Variants in GTF2B observed in about 807,000 individuals in gnomAD.
GTF2B encodes the protein transcription initiation factor IIB.
A neutral mutation model predicts 34.6 loss-of-function variants in GTF2B; 20 were observed. The observed-to-expected ratio is 0.58, with a 90% CI of 0.41 to 0.84. The LOEUF (loss-of-function observed/expected upper bound fraction) is 0.84. Among genes scored for constraint, GTF2B ranks in the 40% least tolerant of loss-of-function variants. The pLI is 0.00. For missense variants in GTF2B, 237 were observed against 393.3 expected (o/e 0.60, Z 3.36); for synonymous variants, 142 against 132.4 (o/e 1.07, Z -0.50).
intron 3 of GTF2B, among the ~76,000 whole-genome samples, chr1:88,863,184 T>A (rs918302466): frequency 6.6e-6 from 1 of 152,200 alleles, no homozygotes; most frequent in Admixed American, 6.5e-5. Context: ...ATACTTTACA[T>A]ACATTCTCAT....
intron 2 of GTF2B, among the ~76,000 whole-genome samples, chr1:88,886,464 T>G (rs1674070501): frequency 6.6e-6 from 1 of 152,230 alleles, no homozygotes; most frequent in African/African-American, 2.4e-5. Context: ...GTGTTATTTT[T>G]GGCAATAATT....
At chr1:88,874,706 CT>C (rs1303860418) in intron 2 of GTF2B, among the ~76,000 whole-genome samples, 21 of 151,908 alleles carry the variant, frequency 1.4e-4, no homozygotes. Context: ...TTTCTGCTGT[CT>C]TCCTGGAAAC....
At chr1:88,888,751 T>C (rs751634775) in intron 1 of GTF2B, among the ~76,000 whole-genome samples, 4 of 152,152 alleles carry the variant, frequency 2.6e-5, no homozygotes, top group Non-Finnish European at 5.9e-5. Context: ...GAACTAACCA[T>C]ACACCATAAC....
intron 2 of GTF2B, among the ~76,000 whole-genome samples, chr1:88,867,296 T>C (rs946123245): frequency 3.9e-5 from 6 of 152,230 alleles, no homozygotes; most frequent in Non-Finnish European, 7.3e-5. Flanking sequence ...TCCTAAAATT[T>C]AGATACTGTG....
intron 3 of GTF2B, among the ~76,000 whole-genome samples, chr1:88,861,063 T>C (rs1673429559): frequency 6.6e-6 from 1 of 152,190 alleles, no homozygotes; most frequent in African/African-American, 2.4e-5. Flanking sequence ...CTATAAATAA[T>C]TCATTAAAGC....
At position 88,891,472 on chromosome 1, in the gene GTF2B, G is replaced by A. The variant is rs775416271; in HGVS notation, c.17+11C>T. ...CCCCTCAGCTCGCCGGGCTCGGCGG[G>A]ACATACTAACCGGCTGGTAGACGCC... is the stretch of plus-strand genomic sequence containing the variant. On this transcript the variant is annotated intron_variant, in intron 1 of 6. Transcript: ENST00000370500. 1 of 1,601,480 alleles carries A rather than the reference G, an allele frequency of 6.2e-7. No homozygotes were observed. Among genetic ancestry groups the A allele is most frequent in the African/African-American group, 1.3e-5 (1 of 74,608 alleles).
intron 2 of GTF2B, among the ~76,000 whole-genome samples, chr1:88,877,760 T>C (rs913469935): frequency 1.3e-5 from 2 of 152,120 alleles, no homozygotes; most frequent in African/African-American, 4.8e-5. Flanking sequence ...GGCGAAACCC[T>C]ATCTCTACTA....
rs954681958 is a variant in GTF2B at position 88,891,351 on chromosome 1, G to T, written c.17+132C>A. 6 of 640,914 alleles carry T rather than the reference G, an allele frequency of 9.4e-6. No homozygotes were observed. In the African/African-American group the frequency reaches 1.1e-4, roughly 12 times the overall value. The allele number at this position is 640,914 out of a possible 1,614,324, so 39.7% of individuals were successfully genotyped here. On this transcript the variant is annotated intron_variant, in intron 1 of 6. Coordinates refer to ENST00000370500, the MANE Select transcript of GTF2B (RefSeq NM_001514.6). ...TCTGGAAGTGCCTTTGTCCCGGCCC[G>T]TCGGCCAGTCCCGCCGCTTCTCTCC...
chr1:88,872,017 G>C (rs1367239544), intron 2 of GTF2B, among the ~76,000 whole-genome samples: 1 of 152,106 alleles, frequency 6.6e-6, no homozygotes, highest in Admixed American at 6.6e-5. Flanking sequence ...ACAGGCATGA[G>C]CAATTGCGTC....
intron 2 of GTF2B, among the ~76,000 whole-genome samples, 172 bp from the exon 3 acceptor site, chr1:88,864,286 T>C (rs771931705): frequency 5.9e-5 from 9 of 152,236 alleles, no homozygotes; most frequent in Non-Finnish European, 1.0e-4. Context: ...CCTTTAACTA[T>C]TGTGCCAATC....
Position 88,891,468 on chromosome 1 carries a change from G to A in GTF2B, c.17+15C>T. The A allele has an allele frequency of 6.2e-7, 1 of 1,600,572 alleles. No homozygotes were observed. Among genetic ancestry groups the A allele is most frequent in the Non-Finnish European group, 8.5e-7 (1 of 1,172,494 alleles). On this transcript the variant is annotated intron_variant, in intron 1 of 6. Coordinates refer to ENST00000370500, the MANE Select transcript of GTF2B (RefSeq NM_001514.6). ...CCCGCCCCTCAGCTCGCCGGGCTCGGCGGGACATACTAACCGGCTGGTAGA... is the reference window on the plus strand; with the variant it reads ...CCCGCCCCTCAGCTCGCCGGGCTCGACGGGACATACTAACCGGCTGGTAGA...
intron 2 of GTF2B, among the ~76,000 whole-genome samples, chr1:88,871,482 C>T (rs1396612546): frequency 1.3e-5 from 2 of 152,170 alleles, no homozygotes; most frequent in East Asian, 1.9e-4. Context: ...GGAAGTTATA[C>T]ACAGACTTAA....
chr1:88,870,648 AC>A (rs946362135), intron 2 of GTF2B, among the ~76,000 whole-genome samples: 20 of 152,134 alleles, frequency 1.3e-4, no homozygotes, highest in African/African-American at 4.8e-4. Flanking sequence ...ATTCTAGAGA[AC>A]CCCATCAGTG....
chr1:88,877,535 T>G (rs946167806), intron 2 of GTF2B, among the ~76,000 whole-genome samples: 2 of 152,208 alleles, frequency 1.3e-5, no homozygotes, highest in African/African-American at 4.8e-5. Flanking sequence ...ATGAACTGAT[T>G]ATCTAAATAC....
At chr1:88,890,385 T>C (rs1465274828) in intron 1 of GTF2B, among the ~76,000 whole-genome samples, 1 of 152,212 alleles carries the variant, frequency 6.6e-6, no homozygotes, top group Non-Finnish European at 1.5e-5. Context: ...CAAATTCCTT[T>C]TCTAATCATA....
intron 2 of GTF2B, among the ~76,000 whole-genome samples, chr1:88,880,398 A>C (rs78871238): frequency 3.0e-4 from 45 of 152,356 alleles, no homozygotes; most frequent in African/African-American, 1.1e-3. Context: ...TGAAGAGCAG[A>C]TGCCTTTAAA....
At chr1:88,856,577 T>TA (rs1359145943) in intron 6 of GTF2B, among the ~76,000 whole-genome samples, 1 of 151,732 alleles carries the variant, frequency 6.6e-6, no homozygotes, top group Non-Finnish European at 1.5e-5. Context: ...TTTAAAAAGG[T>TA]AAGTTTGGAA....
At position 88,864,034 on chromosome 1, in the gene GTF2B, C is replaced by T; in HGVS notation, c.205G>A (p.Asp69Asn). Residue 69 changes from aspartate (D) to asparagine (N), a missense_variant, in exon 3 of 7, where the codon GAT becomes AAT. Physicochemically the swap from Asp to Asn is conservative, Grantham distance 23 (BLOSUM62 1). Around this residue, in one of 3 missense-constraint regions of GTF2B, gnomAD observed 130 missense variants for 170.9 expected, o/e 0.76. Coordinates refer to ENST00000370500, the MANE Select transcript of GTF2B (RefSeq NM_001514.6). ...KATKDPSRVG[D>N]SQNPLLSDGD... ...TCACTCAGAAGAGGATTCTGAGAAT[C>T]TCCAACTCGAGATGGATCTTTTGTT... 3 of 1,613,418 alleles carry T rather than the reference C, an allele frequency of 1.9e-6. No individual in the cohort carries two copies. The highest frequency in any genetic ancestry group is 2.5e-6 in the Non-Finnish European group (3 of 1,179,328).
intron 2 of GTF2B, among the ~76,000 whole-genome samples, chr1:88,874,320 T>G (rs1673764946): frequency 6.6e-6 from 1 of 151,810 alleles, no homozygotes; most frequent in Non-Finnish European, 1.5e-5. Flanking sequence ...TAAAATTTTG[T>G]TTTATTTTTT....
Sources: allele counts gnomAD v4.1 joint callset (sites outside exome capture counted in the v4.1 genomes callset), GRCh38; gene constraint gnomAD v4.1.1; regional missense constraint gnomAD v4.1.1; transcripts MANE v1.5; gene names NCBI Gene and HGNC (gene_info 2026-07-23, HGNC 2026-07-21).